Variants in LHX5 observed in about 807,000 individuals in gnomAD.
LHX5 encodes LIM/homeobox protein Lhx5.
In LHX5, 5 loss-of-function variants were observed where a neutral mutation model predicts 30.6. The ratio of observed to expected loss-of-function variants is 0.16; its 90% CI spans 0.09 to 0.34. The LOEUF is 0.34. Among genes scored for constraint, LHX5 ranks in the 10% least tolerant of loss-of-function variants. LHX5 has a pLI of 1.00. For synonymous variants in LHX5, 266 were observed against 252.6 expected (o/e 1.05, Z -0.50); for missense variants, 458 against 570.6 (o/e 0.80, Z 2.01).
chr12:113,463,424 C>T lies in LHX5; in HGVS notation c.975G>A (p.Ala325=). The T allele has an allele frequency of 6.4e-7, 1 of 1,553,164 alleles. No individual in the cohort carries two copies. Among genetic ancestry groups the T allele is most frequent in the Non-Finnish European group, 8.7e-7 (1 of 1,151,624 alleles). The change falls in exon 5 of 5, where the codon GCG becomes GCA. Residue 325 remains alanine (A), a synonymous_variant. Coordinates refer to ENST00000261731, the MANE Select transcript of LHX5 (RefSeq NM_022363.3). This position sits in a 1 kb window ranked among gnomAD's most constrained non-coding sequence, Gnocchi z 6.7. ...ASGPGSTPLG[A]LEPPLAGPHA... ...GCGGGCCGGCGAGCGGCGGTTCCAG[C>T]GCTCCCAGCGGCGTCGAGCCGGGGC...
Position 113,463,104 on chromosome 12 carries a change from C to G in LHX5, c.*86G>C. 1.7e-6 allele frequency: 2 copies of G among 1,162,482 alleles called. No individual in the cohort carries two copies. Among genetic ancestry groups the G allele is most frequent in the Non-Finnish European group, 2.3e-6 (2 of 864,202 alleles). 72.0% of individuals were successfully genotyped at this position (1,162,482 alleles called of 1,614,324 possible). A position where few individuals can be genotyped will look rare whatever the true frequency, so the allele number is the denominator to read the frequency against. On this transcript the variant is annotated 3_prime_UTR_variant, in exon 5 of 5. Coordinates refer to ENST00000261731, the MANE Select transcript of LHX5 (RefSeq NM_022363.3). This position sits in a 1 kb window ranked among gnomAD's most constrained non-coding sequence, Gnocchi z 6.7. Reference sequence around the variant, plus strand: ...CCCGAGGGACACCCACGTCTCCCACCGCGTCTGCGTCGGGCGTTTTGGTTT... The same window carrying G: ...CCCGAGGGACACCCACGTCTCCCACGGCGTCTGCGTCGGGCGTTTTGGTTT...
In LHX5 at chr12:113,465,405, C is replaced by G. The variant is rs536552477; in HGVS notation, c.842-1848G>C. ...GGCCGGAGGTAATTGGAACAAACGCCGTCTGAAAAGGGCACAAAAGCCGCA... is the reference window on the plus strand; with the variant it reads ...GGCCGGAGGTAATTGGAACAAACGCGGTCTGAAAAGGGCACAAAAGCCGCA... On this transcript the variant is annotated intron_variant, in intron 4 of 4. Coordinates refer to ENST00000261731, the MANE Select transcript of LHX5 (RefSeq NM_022363.3). The surrounding 1 kb of genome is among the most constrained non-coding windows in gnomAD (Gnocchi z 6.7). Among the ~76,000 whole-genome samples the G allele has an allele frequency of 8.5e-5, 13 of 152,180 alleles. No homozygotes were observed. Among genetic ancestry groups the G allele is most frequent in the Non-Finnish European group, 1.8e-4 (12 of 68,018 alleles).
Position 113,467,311 on chromosome 12 carries a change from GC to G in LHX5, c.785del (p.Gly262AlafsTer83), listed in dbSNP as rs761678047. On this transcript the variant is annotated frameshift_variant, in exon 4 of 5. Coordinates refer to ENST00000261731, the MANE Select transcript of LHX5 (RefSeq NM_022363.3). LOFTEE classifies it high-confidence loss of function. This position sits in a 1 kb window ranked among gnomAD's most constrained non-coding sequence, Gnocchi z 6.3. Reference sequence around the variant, plus strand: ...ACATCTCAGACTCGTCCAAGCGGCCGCCCAGCGGACGCATGCGCCGCGGACT... The same window carrying G: ...ACATCTCAGACTCGTCCAAGCGGCCGCCAGCGGACGCATGCGCCGCGGACT... The part of the protein sequence containing the change: ...FRSPRRMRPL[G>X]GRLDESEMLG... 1 of 1,565,970 alleles carries G rather than the reference GC, an allele frequency of 6.4e-7. No individual in the cohort carries two copies. The highest frequency in any genetic ancestry group is 8.7e-7 in the Non-Finnish European group (1 of 1,152,096).
In LHX5 at chr12:113,463,468, T is replaced by C; in HGVS notation, c.931A>G (p.Ser311Gly). Residue 311 changes from serine to glycine, a missense_variant, in exon 5 of 5, where the codon AGC becomes GGC. Physicochemically the swap from Ser to Gly is moderately conservative, Grantham distance 56. Coordinates refer to ENST00000261731, the MANE Select transcript of LHX5 (RefSeq NM_022363.3). This position sits in a 1 kb window ranked among gnomAD's most constrained non-coding sequence, Gnocchi z 6.7. ...PSQAQSPADS[S>G]FLAASGPGST... ...CCGGGGCCAGAGGCCGCCAGGAAGC[T>C]GGAGTCGGCCGGGGACTGCGCCTGC... 1 of 1,564,740 alleles carries C rather than the reference T, an allele frequency of 6.4e-7. No homozygotes were observed. Among genetic ancestry groups the C allele is most frequent in the Non-Finnish European group, 8.6e-7 (1 of 1,160,868 alleles).
chr12:113,471,546 C>G lies in LHX5; in HGVS notation c.-48G>C. On this transcript the variant is annotated 5_prime_UTR_variant, in exon 1 of 5. Transcript: ENST00000261731. ...GGCCGCCTTGCCCTCCCTTTGGGCC[C>G]CTGGCCCTCGGGCCTGCCGGGCCCT... The G allele has an allele frequency of 1.3e-6, 2 of 1,525,582 alleles. No homozygotes were observed. Among genetic ancestry groups the G allele is most frequent in the Non-Finnish European group, 1.8e-6 (2 of 1,130,014 alleles). 94.5% of individuals were successfully genotyped at this position (1,525,582 alleles called of 1,614,324 possible).
intron 1 of LHX5, among the ~76,000 whole-genome samples, chr12:113,470,313 G>T (rs1958240796): frequency 6.6e-6 from 1 of 152,228 alleles, no homozygotes; most frequent in Non-Finnish European, 1.5e-5. Context: ...GAGGGCATTA[G>T]AAGCCATAAG....
Position 113,467,153 on chromosome 12 carries a change from G to A in LHX5, c.841+103C>T. 7 of 1,174,484 alleles carry A rather than the reference G, an allele frequency of 6.0e-6. No individual in the cohort carries two copies. Among genetic ancestry groups the A allele is most frequent in the Non-Finnish European group, 7.9e-6 (7 of 886,502 alleles). 72.8% of individuals were successfully genotyped at this position (1,174,484 alleles called of 1,614,324 possible). ...TCTGTGATCGTGTGTCCAGCGAGTG[G>A]GCGATGTTCTGGAGCGGCGGAAAGC... On this transcript the variant is annotated intron_variant, in intron 4 of 4. Coordinates refer to ENST00000261731, the MANE Select transcript of LHX5 (RefSeq NM_022363.3). This position sits in a 1 kb window ranked among gnomAD's most constrained non-coding sequence, Gnocchi z 6.3.
rs1379868187 is a variant in LHX5, at chr12:113,465,095, C to T, written c.842-1538G>A. Among the ~76,000 whole-genome samples, 1 of 152,234 alleles carries T rather than the reference C, an allele frequency of 6.6e-6. No homozygotes were observed. On this transcript the variant is annotated intron_variant, in intron 4 of 4. Coordinates refer to ENST00000261731, the MANE Select transcript of LHX5 (RefSeq NM_022363.3). The surrounding 1 kb of genome is among the most constrained non-coding windows in gnomAD (Gnocchi z 6.7). ...AGTCAAGGGGCGAATTCCTGATGCC[C>T]CCTGCCACCCTCTTCCCTCTCCAAA...
intron 1 of LHX5, among the ~76,000 whole-genome samples, chr12:113,470,850 G>A (rs1211918273): frequency 6.6e-6 from 1 of 152,212 alleles, no homozygotes; most frequent in African/African-American, 2.4e-5. Flanking sequence ...ATCACCAGGG[G>A]AGACCTTCCT....
chr12:113,467,383 C>T lies in LHX5; in HGVS notation c.714G>A (p.Met238Ile). The T allele has an allele frequency of 1.3e-6, 2 of 1,579,964 alleles. No individual in the cohort carries two copies. The highest frequency in any genetic ancestry group is 1.7e-6 in the Non-Finnish European group (2 of 1,158,088). ...FQNRRSKERR[M>I]KQLSALGARR... ...GGGCGCCTAGGGCGCTCAGCTGTTT[C>T]ATCCGGCGTTCTTTGGACCGTCGGT... is the stretch of plus-strand genomic sequence containing the variant. Residue 238 changes from methionine (M) to isoleucine (I), a missense_variant, in exon 4 of 5, where the codon ATG becomes ATA. Met to Ile is a conservative substitution (Grantham distance 10). Transcript: ENST00000261731. The surrounding 1 kb of genome is among the most constrained non-coding windows in gnomAD (Gnocchi z 6.3).
Position 113,471,400 on chromosome 12 carries a change from G to A in LHX5, c.99C>T (p.Cys33=). The stretch of plus-strand genomic sequence containing the variant: ...TCTCCGAGAGGTTGGTTTTGCACTC[G>A]CAGCACTGAACACATTTGATGTGCC... ...RAWHIKCVQC[C]ECKTNLSEKC... is the part of the protein sequence containing the mutation. Residue 33 remains cysteine (C), a synonymous_variant, in exon 1 of 5, where the codon TGC becomes TGT. Coordinates refer to ENST00000261731, the MANE Select transcript of LHX5 (RefSeq NM_022363.3). 1 of 1,613,930 alleles carries A rather than the reference G, an allele frequency of 6.2e-7. No individual in the cohort carries two copies. The highest frequency in any genetic ancestry group is 8.5e-7 in the Non-Finnish European group (1 of 1,179,880).
At chr12:113,469,085 T>G in intron 2 of LHX5, 37 bp downstream of exon 2, 2 of 1,515,072 alleles carry the variant, frequency 1.3e-6, no homozygotes, top group Non-Finnish European at 1.8e-6. Flanking sequence ...GGGAGGGTGC[T>G]AAGGCCTAAG....
Position 113,471,805 on chromosome 12 carries a change from T to G in LHX5, c.-307A>C. On this transcript the variant is annotated 5_prime_UTR_variant, in exon 1 of 5. Coordinates refer to ENST00000261731, the MANE Select transcript of LHX5 (RefSeq NM_022363.3). ...CTGGCCTCGGCGCTGCGGAGCGGCTTTCCCCGGTGGCGGAGGCGCCGGCAC... is the reference window on the plus strand; with the variant it reads ...CTGGCCTCGGCGCTGCGGAGCGGCTGTCCCCGGTGGCGGAGGCGCCGGCAC... 2.7e-6 allele frequency: 1 copy of G among 370,948 alleles called. No homozygotes were observed. The highest frequency in any genetic ancestry group is 6.5e-5 in the South Asian group (1 of 15,342). 23.0% of individuals were successfully genotyped at this position (370,948 alleles called of 1,614,324 possible).
rs561872184 is a variant in LHX5, at chr12:113,464,446, C to T, written c.842-889G>A. On this transcript the variant is annotated intron_variant, in intron 4 of 4. Transcript: ENST00000261731. This position sits in a 1 kb window ranked among gnomAD's most constrained non-coding sequence, Gnocchi z 6.2. ...GGCGGGGCGGCCTTGGCGCCCTAAA[C>T]TCGGTCCCTGCGCCCTACCAACCCA... 9.8e-5 allele frequency among the ~76,000 whole-genome samples: 15 copies of T among 152,374 alleles called. No homozygotes were observed. The highest frequency in any genetic ancestry group is 3.4e-3 in the Middle Eastern group (1 of 294).
At position 113,463,082 on chromosome 12, in the gene LHX5, G is replaced by C. The variant is rs1958185628; in HGVS notation, c.*108C>G. Reference sequence around the variant, plus strand: ...AGTGCGGACCCGAGAGAGAACCCCCGAGGGACACCCACGTCTCCCACCGCG... The same window carrying C: ...AGTGCGGACCCGAGAGAGAACCCCCCAGGGACACCCACGTCTCCCACCGCG... On this transcript the variant is annotated 3_prime_UTR_variant, in exon 5 of 5. Transcript: ENST00000261731. This position sits in a 1 kb window ranked among gnomAD's most constrained non-coding sequence, Gnocchi z 6.7. 3 of 984,610 alleles carry C rather than the reference G, an allele frequency of 3.0e-6. No homozygotes were observed. The highest frequency in any genetic ancestry group is 4.2e-6 in the Non-Finnish European group (3 of 708,744). 61.0% of individuals were successfully genotyped at this position (984,610 alleles called of 1,614,324 possible).
In LHX5 at chr12:113,463,155, C is replaced by T; in HGVS notation, c.*35G>A. The T allele has an allele frequency of 6.8e-7, 1 of 1,467,614 alleles. No homozygotes were observed. Among genetic ancestry groups the T allele is most frequent in the Non-Finnish European group, 8.9e-7 (1 of 1,119,742 alleles). The allele number at this position is 1,467,614 out of a possible 1,614,324, so 90.9% of individuals were successfully genotyped here. On this transcript the variant is annotated 3_prime_UTR_variant, in exon 5 of 5. Transcript: ENST00000261731. The surrounding 1 kb of genome is among the most constrained non-coding windows in gnomAD (Gnocchi z 6.7). The stretch of plus-strand genomic sequence containing the variant: ...CAGGAGGCTGCTTCGGGGCGGGGCC[C>T]CCGGGGGCCGAGCGCGGGGGGCGGC...
intron 1 of LHX5, 151 bp downstream of exon 1, chr12:113,471,175 G>T: frequency 1.3e-6 from 1 of 789,526 alleles, no homozygotes; most frequent in Non-Finnish European, 2.0e-6. Flanking sequence ...CCTGGACCAA[G>T]GACAGGAGGA....
At chr12:113,468,796 C>T (rs2136978992) in intron 2 of LHX5, among the ~76,000 whole-genome samples, 1 of 152,314 alleles carries the variant, frequency 6.6e-6, no homozygotes, top group Non-Finnish European at 1.5e-5. Flanking sequence ...CCTTCCAGTG[C>T]ATCAAGAAAT....
In LHX5 at chr12:113,469,268, A is replaced by G; in HGVS notation, c.251T>C (p.Val84Ala). 6.2e-7 allele frequency: 1 copy of G among 1,614,202 alleles called. No homozygotes were observed. The highest frequency in any genetic ancestry group is 2.2e-5 in the East Asian group (1 of 44,886). The stretch of plus-strand genomic sequence containing the variant: ...GCAGGTGAAACAGTTGAGGTGAAAG[A>G]CTTTGCTCCGGGCCTTGCGCACCAG... ...SDLVRKARSK[V>A]FHLNCFTCMV... Residue 84 changes from valine to alanine, a missense_variant, in exon 2 of 5, where the codon GTC becomes GCC. Physicochemically the swap from Val to Ala is moderately conservative, Grantham distance 64. Coordinates refer to ENST00000261731, the MANE Select transcript of LHX5 (RefSeq NM_022363.3).
Sources: gnomAD v4.1 joint callset for allele counts (sites outside exome capture counted in the v4.1 genomes callset) on GRCh38, gnomAD v4.1.1 for gene constraint, Gnocchi (gnomAD v3.1) non-coding constraint, MANE v1.5 for transcripts, NCBI Gene and HGNC (gene_info 2026-07-23, HGNC 2026-07-21) for gene names.